The following FOXN3 variants were observed in gnomAD, a reference collection of about 807,000 sequenced individuals.
FOXN3 encodes forkhead box N3, also known as forkhead box protein N3.
FOXN3 carries 7 observed loss-of-function variants against 38.4 expected under a neutral mutation model. That is an observed-to-expected ratio of 0.18 (90% CI 0.10 to 0.34). The LOEUF (loss-of-function observed/expected upper bound fraction) is 0.34, where lower values mean the gene tolerates loss of function less well. Among genes scored for constraint, FOXN3 ranks in the 10% least tolerant of loss-of-function variants. The pLI is 1.00. For missense variants in FOXN3, 456 were observed against 613.4 expected (o/e 0.74, Z 2.71); for synonymous variants, 230 against 242.2 (o/e 0.95, Z 0.47).
At chr14:89,610,376 G>T (rs944598575) in intron 1 of FOXN3, among the ~76,000 whole-genome samples, 1 of 152,192 alleles carries the variant, frequency 6.6e-6, no homozygotes, top group Non-Finnish European at 1.5e-5. Context: ...CGAAAGCAGC[G>T]TGGCTGGCAT....
intron 2 of FOXN3, among the ~76,000 whole-genome samples, chr14:89,362,500 T>TACGACCA (rs1555421525): frequency 3.7e-3 from 1 of 270 alleles, no homozygotes; most frequent in African/African-American, 5.6e-3. Context: ...CACCACCATC[T>TACGACCA]CCACCACCAC....
chr14:89,516,623 AC>A (rs1383402699), intron 1 of FOXN3, among the ~76,000 whole-genome samples: 1 of 144,840 alleles, frequency 6.9e-6, no homozygotes, highest in Non-Finnish European at 1.5e-5. Flanking sequence ...GTGCAGTGGC[AC>A]AATCATGGCT....
intron 1 of FOXN3, among the ~76,000 whole-genome samples, chr14:89,506,866 C>T (rs1045120461): frequency 6.6e-6 from 1 of 152,154 alleles, no homozygotes; most frequent in African/African-American, 2.4e-5. Context: ...TGTGTCCACT[C>T]AGGGTTGAAT....
chr14:89,297,277 T>A (rs532273379), intron 3 of FOXN3, among the ~76,000 whole-genome samples: 2 of 151,932 alleles, frequency 1.3e-5, no homozygotes, highest in African/African-American at 4.8e-5. Context: ...AAATTAAACA[T>A]AGGGGCCGGG....
intron 2 of FOXN3, among the ~76,000 whole-genome samples, chr14:89,397,703 A>G (rs999932228): frequency 2.0e-5 from 3 of 152,188 alleles, no homozygotes; most frequent in Admixed American, 2.0e-4. Context: ...AGAGTGAAGG[A>G]GGAGCAAGGA....
chr14:89,564,176 G>C (rs1461078218), intron 1 of FOXN3, among the ~76,000 whole-genome samples: 1 of 152,028 alleles, frequency 6.6e-6, no homozygotes, highest in African/African-American at 2.4e-5. Flanking sequence ...TTTTAAGTGA[G>C]GGGATAGTGA....
At chr14:89,261,605 C>A (rs1161117296) in intron 4 of FOXN3, among the ~76,000 whole-genome samples, 1 of 151,926 alleles carries the variant, frequency 6.6e-6, no homozygotes, top group Non-Finnish European at 1.5e-5. Context: ...ACCAGCCCAG[C>A]CAACAGGGTG....
intron 3 of FOXN3, among the ~76,000 whole-genome samples, chr14:89,294,401 G>A (rs1886973114): frequency 6.6e-6 from 1 of 152,134 alleles, no homozygotes; most frequent in Non-Finnish European, 1.5e-5. Flanking sequence ...GACTCTCCAT[G>A]TGCGTCTTCA....
At chr14:89,190,493 GGT>G (rs202051297) in intron 4 of FOXN3, 4,008 of 1,484,606 alleles carry the variant, frequency 2.7e-3, no homozygotes, top group South Asian at 3.2e-3. Context: ...CAACGGGGCC[GGT>G]GTGTGTGTGT....
chr14:89,405,481 C>T (rs1386809984), intron 2 of FOXN3, among the ~76,000 whole-genome samples: 8 of 151,978 alleles, frequency 5.3e-5, no homozygotes, highest in South Asian at 2.1e-4. Flanking sequence ...TCTCATCTAC[C>T]GAGAGCAAAC....
intron 4 of FOXN3, 123 bp from the exon 5 acceptor site, chr14:89,180,929 G>A: frequency 4.1e-6 from 2 of 490,254 alleles, no homozygotes; most frequent in East Asian, 3.2e-5. Flanking sequence ...GAGACAGAGA[G>A]AAACACACAC....
chr14:89,301,893 C>A (rs1404736212), intron 3 of FOXN3, among the ~76,000 whole-genome samples: 4 of 152,178 alleles, frequency 2.6e-5, no homozygotes, highest in African/African-American at 9.7e-5. Flanking sequence ...AAAGGCCCGG[C>A]CCGACCTCAA....
At chr14:89,288,808 T>TAAATGTCATCCAAGA (rs1429098417) in intron 3 of FOXN3, among the ~76,000 whole-genome samples, 2 of 143,912 alleles carry the variant, frequency 1.4e-5, no homozygotes, top group African/African-American at 5.1e-5. Flanking sequence ...TATAATTCAT[T>TAAATGTCATCCAAGA]AAATGTCATC....
At chr14:89,420,885 TAA>T (rs10654363), upstream of FOXN3, among the ~76,000 whole-genome samples, 1 of 140,822 alleles carries the variant, frequency 7.1e-6, no homozygotes, top group Non-Finnish European at 1.5e-5. Flanking sequence ...AGATACGAAT[TAA>T]AAAAAAAAAA....
At chr14:89,489,625 G>A (rs1274338596) in intron 1 of FOXN3, among the ~76,000 whole-genome samples, 3 of 152,116 alleles carry the variant, frequency 2.0e-5, no homozygotes, top group Admixed American at 6.5e-5. Flanking sequence ...CGACATATAC[G>A]ATGGCAATAA....
chr14:89,571,038 A>C (rs1895478378), intron 1 of FOXN3, among the ~76,000 whole-genome samples: 1 of 152,236 alleles, frequency 6.6e-6, no homozygotes, highest in Non-Finnish European at 1.5e-5. Context: ...AAGCCCATGC[A>C]CTGTACTCAG....
chr14:89,284,134 GC>G (rs1406618191), intron 3 of FOXN3, among the ~76,000 whole-genome samples: 1 of 152,114 alleles, frequency 6.6e-6, no homozygotes, highest in Non-Finnish European at 1.5e-5. Context: ...CTCCCAAAGT[GC>G]TGGGATTGCA....
At chr14:89,180,396 T>G (rs1887635128) in intron 5 of FOXN3, among the ~76,000 whole-genome samples, 1 of 152,140 alleles carries the variant, frequency 6.6e-6, no homozygotes, top group Non-Finnish European at 1.5e-5. Context: ...AGAATCCAAT[T>G]AATATCCTGC....
At chr14:89,438,274 G>A (rs562961880) in intron 1 of FOXN3, among the ~76,000 whole-genome samples, 2 of 152,360 alleles carry the variant, frequency 1.3e-5, no homozygotes, top group African/African-American at 4.8e-5. Flanking sequence ...GCAATGTGCT[G>A]AATGAGCACC....
Sources: allele counts gnomAD v4.1 joint callset (sites outside exome capture counted in the v4.1 genomes callset), GRCh38; gene constraint gnomAD v4.1.1; transcripts MANE v1.5; gene names NCBI Gene and HGNC (gene_info 2026-07-23, HGNC 2026-07-21).